MIER2: variants seen among roughly 807,000 people sequenced by gnomAD.
MIER2 encodes MIER family member 2.
MIER2 carries 30 observed loss-of-function variants against 67.6 expected under a neutral mutation model. The observed-to-expected ratio is 0.44, with a 90% confidence interval of 0.33 to 0.60. The LOEUF is 0.60. Ranked by LOEUF, MIER2 falls within the 20% of genes least tolerant of loss-of-function variation. The pLI is 0.02. For synonymous variants in MIER2, 372 were observed against 312.6 expected, an observed-to-expected ratio of 1.19 and a Z score of -2.00; for missense variants, 702 against 745.1, an observed-to-expected ratio of 0.94 and a Z score of 0.67.
At chr19:309,390 G>A (rs533517437) in intron 10 of MIER2, among the ~76,000 whole-genome samples, 131 of 152,252 alleles carry the variant, frequency 8.6e-4, no homozygotes, top group South Asian at 2.9e-3. Context: ...GGGAGGAAGA[G>A]GCACAAGCCC....
Position 336,107 on chromosome 19 carries a change from C to G in MIER2, c.76G>C (p.Glu26Gln). The change falls in exon 2 of 14, where the codon GAG becomes CAG. Residue 26 changes from glutamate to glutamine, a missense_variant. Glu to Gln is a conservative substitution (Grantham distance 29). Around this residue, in one of 3 missense-constraint regions of MIER2, gnomAD observed 320 missense variants for 292.6 expected, o/e 1.09. Coordinates refer to ENST00000264819, the MANE Select transcript of MIER2 (RefSeq NM_017550.3). ...SCLEHSLCPG[E>Q]PGLQTTAVVS... ...CCTGCTGTTGTCTGCAAGCCCGGCT[C>G]CCCTGGGCACAGGCTGTGCTCGAGG... 6.2e-7 allele frequency: 1 copy of G among 1,613,856 alleles called. No individual in the cohort carries two copies. The highest frequency in any genetic ancestry group is 8.5e-7 in the Non-Finnish European group (1 of 1,179,818).
intron 12 of MIER2, 75 bp from the exon 13 acceptor site, chr19:307,611 G>A: frequency 7.1e-7 from 1 of 1,402,572 alleles, no homozygotes; most frequent in Non-Finnish European, 9.3e-7. Flanking sequence ...GCCTAACTTT[G>A]CTGGGTCCAG....
At chr19:333,086 G>A (rs1972096586) in intron 3 of MIER2, among the ~76,000 whole-genome samples, 1 of 80,036 alleles carries the variant, frequency 1.2e-5, no homozygotes, top group South Asian at 5.3e-4. Context: ...TCCGTCTCCC[G>A]GGTTCACGTC....
At chr19:306,790 G>T in intron 13 of MIER2, 79 bp from the exon 14 acceptor site, 2 of 1,546,210 alleles carry the variant, frequency 1.3e-6, no homozygotes, top group African/African-American at 2.7e-5. Flanking sequence ...GCTGAGCGCT[G>T]GACTCGAGAC....
intron 10 of MIER2, among the ~76,000 whole-genome samples, chr19:310,589 GCAGAAACACAGCCGGGAGCTA>G (rs1568216533): frequency 5.2e-4 from 64 of 122,264 alleles, no homozygotes; most frequent in Middle Eastern, 6.9e-3. Flanking sequence ...GCCGGGAGCT[GCAGAAACACAGCCGGGAGCTA>G]TAGAAACACA....
intron 13 of MIER2, among the ~76,000 whole-genome samples, 173 bp from the exon 14 acceptor site, chr19:306,884 C>T (rs937749752): frequency 1.3e-5 from 2 of 152,218 alleles, no homozygotes; most frequent in African/African-American, 2.4e-5. Flanking sequence ...AGGGGTGGGA[C>T]AGCCTGGCAC....
chr19:326,633 C>A, intron 5 of MIER2, 35 bp from the exon 6 acceptor site: 1 of 1,538,456 alleles, frequency 6.5e-7, no homozygotes, highest in Non-Finnish European at 9.0e-7. Context: ...CCCAGGGTCT[C>A]CACTGCCTGC....
intron 7 of MIER2, among the ~76,000 whole-genome samples, chr19:323,343 G>C (rs4897852): frequency 0.066 from 9,595 of 145,148 alleles, 802 homozygotes; most frequent in African/African-American, 0.18. Context: ...CGACTCGAAT[G>C]ACACAGACAT....
Position 327,962 on chromosome 19 carries a change from G to A in MIER2, c.271C>T (p.Leu91Phe), listed in dbSNP as rs749897856. ...GACGCCTCGTAGCCATAGAGCGCAA[G>A]CAGCTCATCAAAGGGCATGTCGTTG... ...QSNDMPFDEL[L>F]ALYGYEASDP... The change falls in exon 4 of 14, where the codon CTT becomes TTT. Residue 91 changes from leucine to phenylalanine, a missense_variant. By Grantham distance (22) the Leu-to-Phe change is conservative. Coordinates refer to ENST00000264819, the MANE Select transcript of MIER2 (RefSeq NM_017550.3). 3.1e-6 allele frequency: 5 copies of A among 1,613,268 alleles called. No individual in the cohort carries two copies. The highest frequency in any genetic ancestry group is 2.2e-5 in the South Asian group (2 of 91,028).
chr19:329,150 C>G (rs1971908314), intron 3 of MIER2, among the ~76,000 whole-genome samples: 1 of 152,132 alleles, frequency 6.6e-6, no homozygotes, highest in African/African-American at 2.4e-5. Flanking sequence ...TAGCACTGGC[C>G]TCCCCTCCAC....
chr19:307,480 C>CAG lies in MIER2; in HGVS notation c.1253_1254dup (p.Asp419LeufsTer100). The CAG allele has an allele frequency of 6.5e-7, 1 of 1,548,442 alleles. No homozygotes were observed. The highest frequency in any genetic ancestry group is 8.7e-7 in the Non-Finnish European group (1 of 1,150,542). ...CCTGGCTCCGAGGACGGGAGTCCAT[C>CAG]AGAGGCCACTCCGGGCTCATCGAGA... On this transcript the variant is annotated frameshift_variant, in exon 13 of 14. Coordinates refer to ENST00000264819, the MANE Select transcript of MIER2 (RefSeq NM_017550.3). LOFTEE classifies it high-confidence loss of function.
intron 5 of MIER2, 187 bp downstream of exon 5, chr19:326,946 T>C: frequency 4.0e-6 from 3 of 756,876 alleles, no homozygotes; most frequent in Middle Eastern, 3.8e-4. Flanking sequence ...GCTCTGAGAG[T>C]CCAGGCTCAC....
Position 325,753 on chromosome 19 carries a change from G to A in MIER2, c.586-49C>T, listed in dbSNP as rs375745133. On this transcript the variant is annotated intron_variant, in intron 6 of 13. Coordinates refer to ENST00000264819, the MANE Select transcript of MIER2 (RefSeq NM_017550.3). Reference sequence around the variant, plus strand: ...CAGGACACTGAGGAGCATCTAGGCCGGGCGGGAGGCTGGCTGCAGCGTGCT... The same window carrying A: ...CAGGACACTGAGGAGCATCTAGGCCAGGCGGGAGGCTGGCTGCAGCGTGCT... 1.2e-3 allele frequency: 1,869 copies of A among 1,604,522 alleles called. 1 individual carries two copies. The highest frequency in any genetic ancestry group is 1.5e-3 in the Non-Finnish European group (1,725 of 1,171,368).
intron 10 of MIER2, among the ~76,000 whole-genome samples, chr19:310,330 C>A (rs1299280492): frequency 6.6e-6 from 1 of 152,228 alleles, no homozygotes; most frequent in East Asian, 1.9e-4. Flanking sequence ...GGGGGCGAGA[C>A]CGAGACAACC....
chr19:316,700 G>A (rs575000364), intron 7 of MIER2, among the ~76,000 whole-genome samples: 103 of 152,330 alleles, frequency 6.8e-4, no homozygotes, highest in African/African-American at 2.1e-3. Context: ...TGTGAGGCCC[G>A]GTGTGGTGGC....
At chr19:319,894 T>C (rs916108717) in intron 7 of MIER2, among the ~76,000 whole-genome samples, 2 of 152,142 alleles carry the variant, frequency 1.3e-5, no homozygotes, top group African/African-American at 4.8e-5. Flanking sequence ...AGTACCTCCA[T>C]GAACATACAT....
rs148380434 is a variant in MIER2, at chr19:308,616, G to T, written c.1159C>A (p.Pro387Thr). The T allele has an allele frequency of 6.8e-6, 11 of 1,607,418 alleles. No homozygotes were observed. The African/African-American group carries it at 1.3e-4, about 19-fold the overall frequency. ...GTCAGGGTGTCTTGCTCCGGGCGCG[G>T]ACGGCCGGGGCCATCGGGGTCGCTG... Reference protein sequence around the residue: ...DGSDPDGPGRPRPEQDTLTGM... With the variant: ...DGSDPDGPGRTRPEQDTLTGM... The change falls in exon 12 of 14, where the codon CCG becomes ACG. Residue 387 changes from proline to threonine, a missense_variant. By Grantham distance (38) the Pro-to-Thr change is conservative (BLOSUM62 -1). Around this residue, in one of 3 missense-constraint regions of MIER2, gnomAD observed 254 missense variants for 262.8 expected, o/e 0.97. Transcript: ENST00000264819. This position sits in a 1 kb window ranked among gnomAD's most constrained non-coding sequence, Gnocchi z 9.1.
chr19:318,372 C>T lies in MIER2; in HGVS notation c.656-4729G>A, dbSNP rs184672277. On this transcript the variant is annotated intron_variant, in intron 7 of 13. Coordinates refer to ENST00000264819, the MANE Select transcript of MIER2 (RefSeq NM_017550.3). Reference sequence around the variant, plus strand: ...TAAGAAGTGTTACTACAGAGAGACACGTCACAATGGTAAAAGAAACAATTC... The same window carrying T: ...TAAGAAGTGTTACTACAGAGAGACATGTCACAATGGTAAAAGAAACAATTC... Among the ~76,000 whole-genome samples, 192 of 152,210 alleles carry T rather than the reference C, an allele frequency of 1.3e-3. 1 individual carries two copies. Among genetic ancestry groups the T allele is most frequent in the African/African-American group, 3.8e-3 (158 of 41,534 alleles).
At chr19:310,955 A>C (rs992876135) in intron 10 of MIER2, among the ~76,000 whole-genome samples, 6 of 152,198 alleles carry the variant, frequency 3.9e-5, no homozygotes, top group Admixed American at 3.3e-4. Flanking sequence ...TCCAATCAAA[A>C]CACCACGTGG....
Sources: allele counts gnomAD v4.1 joint callset (sites outside exome capture counted in the v4.1 genomes callset), GRCh38; gene constraint gnomAD v4.1.1; regional missense constraint gnomAD v4.1.1; non-coding constraint Gnocchi (gnomAD v3.1); transcripts MANE v1.5; gene names NCBI Gene and HGNC (gene_info 2026-07-23, HGNC 2026-07-21).